Variants in PHEX observed in about 807,000 individuals in gnomAD.
PHEX encodes the protein phosphate-regulating neutral endopeptidase PHEX.
In PHEX, 16 loss-of-function variants were observed where a neutral mutation model predicts 68.0. That is an observed-to-expected ratio of 0.24 (90% CI 0.16 to 0.36). The LOEUF (loss-of-function observed/expected upper bound fraction) is 0.36, where lower values mean the gene tolerates loss of function less well. Among genes scored for constraint, PHEX ranks in the 10% least tolerant of loss-of-function variants. The pLI is 1.00. For synonymous variants in PHEX, 208 were observed against 205.1 expected (o/e 1.01, Z -0.12); for missense variants, 480 against 575.5 (o/e 0.83, Z 1.70).
intron 13 of PHEX, among the ~76,000 whole-genome samples, chrX:22,177,615 T>C (rs1277089665): frequency 1.8e-5 from 2 of 112,198 alleles, no homozygotes; most frequent in African/African-American, 6.5e-5. Context: ...TGCTACCAGC[T>C]TTCTGTGTTC....
chrX:22,189,189 CTT>C (rs1219235332), intron 14 of PHEX, among the ~76,000 whole-genome samples: 2 of 112,487 alleles, frequency 1.8e-5, no homozygotes, highest in Non-Finnish European at 3.8e-5. Context: ...TTGGTGGACA[CTT>C]AGGCTGCTTC....
intron 20 of PHEX, among the ~76,000 whole-genome samples, chrX:22,245,019 C>G (rs1936351092): frequency 8.9e-6 from 1 of 111,825 alleles, no homozygotes; most frequent in African/African-American, 3.3e-5. Flanking sequence ...AGGACTATTT[C>G]AAACATTAAA....
At chrX:22,068,496 G>T (rs1168126350) in intron 3 of PHEX, among the ~76,000 whole-genome samples, 1 of 112,154 alleles carries the variant, frequency 8.9e-6, no homozygotes, top group Admixed American at 9.5e-5. Flanking sequence ...TCACAGGAAA[G>T]CAACTTGCAG....
intron 18 of PHEX, among the ~76,000 whole-genome samples, chrX:22,224,717 T>C (rs886196394): frequency 9.1e-6 from 1 of 110,441 alleles, no homozygotes; most frequent in Non-Finnish European, 1.9e-5. Context: ...AAAGCAGGAA[T>C]GGTAGCTTTT....
intron 12 of PHEX, among the ~76,000 whole-genome samples, chrX:22,141,034 G>C (rs1336843132): frequency 9.1e-6 from 1 of 110,153 alleles, no homozygotes; most frequent in Non-Finnish European, 1.9e-5. Context: ...TAGAGGTCTG[G>C]TTTCACAGTC....
At chrX:22,136,325 A>G (rs1932230721) in intron 12 of PHEX, among the ~76,000 whole-genome samples, 1 of 112,008 alleles carries the variant, frequency 8.9e-6, no homozygotes. Context: ...TCTTTCTGAT[A>G]CTGAGTAGCC....
At chrX:22,217,275 T>C in intron 16 of PHEX, among the ~76,000 whole-genome samples, 1 of 112,674 alleles carries the variant, frequency 8.9e-6, no homozygotes. Context: ...GATAGCTCTA[T>C]GATTGAAATG....
intron 11 of PHEX, among the ~76,000 whole-genome samples, chrX:22,120,495 C>G (rs1394923587): frequency 2.7e-5 from 3 of 111,968 alleles, no homozygotes; most frequent in African/African-American, 9.7e-5. Context: ...AGGTAGGAAA[C>G]AGTTGGAATA....
Position 22,178,304 on chromosome X carries a change from A to G in PHEX, c.1514A>G (p.Asn505Ser). ...IKFSEADYFGNVLQTRKYLAQ... is the reference protein window; with the variant it reads ...IKFSEADYFGSVLQTRKYLAQ... ...TTTTCAGAAGCCGACTACTTTGGCA[A>G]CGTCCTACAAACTCGCAAGTATTTA... Residue 505 changes from asparagine (N) to serine (S), a missense_variant, in exon 14 of 22, where the codon AAC (asparagine) becomes AGC (serine). Asn to Ser is a conservative substitution (Grantham distance 46). Transcript: ENST00000379374. 8.3e-7 allele frequency: 1 copy of G among 1,203,957 alleles called. No homozygotes were observed. The highest frequency in any genetic ancestry group is 1.1e-6 in the Non-Finnish European group (1 of 889,366).
chrX:22,176,115 G>A (rs1933685281), intron 13 of PHEX, among the ~76,000 whole-genome samples: 1 of 110,526 alleles, frequency 9.0e-6, no homozygotes, highest in African/African-American at 3.3e-5. Context: ...TGGCCAGCGC[G>A]GTGGCCCACA....
chrX:22,096,887 G>T, intron 7 of PHEX, 68 bp from the exon 8 acceptor site: 2 of 826,754 alleles, frequency 2.4e-6, no homozygotes, highest in Non-Finnish European at 3.7e-6. Context: ...TTTGGCACAT[G>T]TAGGAAGTAA....
rs1011549219 is a variant in PHEX, at chrX:22,162,516, G to A, written c.1405-5796G>A. On this transcript the variant is annotated intron_variant, in intron 12 of 21. Transcript: ENST00000379374. The stretch of plus-strand genomic sequence containing the variant: ...ACTCCAAATCCTTGGAAAAAGTCAC[G>A]TTTCTACTTTCTTGGTGTAGTCTAC... 4.5e-5 allele frequency among the ~76,000 whole-genome samples: 5 copies of A among 111,627 alleles called. 1 individual carries two copies. Among genetic ancestry groups the A allele is most frequent in the African/African-American group, 1.6e-4 (5 of 30,662 alleles).
chrX:22,114,635 T>G (rs747931718), intron 11 of PHEX, 49 bp downstream of exon 11: 11 of 1,112,810 alleles, frequency 9.9e-6, no homozygotes, highest in Non-Finnish European at 1.2e-5. Flanking sequence ...TTTAGCCAGA[T>G]CTGACAAGGG....
chrX:22,041,265 C>CTATATATATATATATA (rs556410356), intron 2 of PHEX, among the ~76,000 whole-genome samples: 1 of 72,819 alleles, frequency 1.4e-5, no homozygotes, highest in African/African-American at 6.3e-5. Flanking sequence ...CTCTCTCTCT[C>CTATATATATATATATA]TATATATATA....
chrX:22,183,327 T>A (rs979297034), intron 14 of PHEX, among the ~76,000 whole-genome samples: 1 of 111,282 alleles, frequency 9.0e-6, no homozygotes, highest in Non-Finnish European at 1.9e-5. Flanking sequence ...AATATGCACC[T>A]GAAAAATTCA....
At chrX:22,210,390 T>G (rs1254966199) in intron 15 of PHEX, among the ~76,000 whole-genome samples, 1 of 111,800 alleles carries the variant, frequency 8.9e-6, no homozygotes, top group Non-Finnish European at 1.9e-5. Context: ...AGGTTGGCAA[T>G]GGACGTAAAT....
intron 15 of PHEX, among the ~76,000 whole-genome samples, chrX:22,201,948 G>T (rs573615166): frequency 1.9e-5 from 2 of 105,344 alleles, no homozygotes; most frequent in East Asian, 3.0e-4. Flanking sequence ...AGTCTCATTT[G>T]TCTTCTCTTT....
chrX:22,159,109 C>T (rs899303569), intron 12 of PHEX, among the ~76,000 whole-genome samples: 38 of 113,358 alleles, frequency 3.4e-4, no homozygotes, highest in African/African-American at 1.2e-3. Context: ...CTAAGCCGTG[C>T]GTGCACGTGC....
rs1266026311 is a variant in PHEX at position 22,160,100 on chromosome X, A to C, written c.1405-8212A>C. On this transcript the variant is annotated intron_variant, in intron 12 of 21. Transcript: ENST00000379374. ...TCAGTATGTGTATTAGTCTGTTCTC[A>C]TGCTGCTAATAAAGACATACCTGGG... Among the ~76,000 whole-genome samples the C allele has an allele frequency of 1.1e-4, 12 of 112,258 alleles. No individual in the cohort carries two copies. In the East Asian group the frequency reaches 3.1e-3, roughly 29 times the overall value.
Sources: allele counts gnomAD v4.1 joint callset (sites outside exome capture counted in the v4.1 genomes callset), GRCh38; gene constraint gnomAD v4.1.1; transcripts MANE v1.5; gene names NCBI Gene and HGNC (gene_info 2026-07-23, HGNC 2026-07-21).